The following PPP2R5E variants were observed in gnomAD, a reference collection of about 807,000 sequenced individuals.
PPP2R5E encodes serine/threonine-protein phosphatase 2A 56 kDa regulatory subunit epsilon isoform.
A neutral mutation model predicts 65.3 loss-of-function variants in PPP2R5E; 4 were observed. The ratio of observed to expected loss-of-function variants is 0.06; its 90% CI spans 0.03 to 0.14. PPP2R5E has a LOEUF of 0.14. Among genes scored for constraint, PPP2R5E ranks in the 10% least tolerant of loss-of-function variants. The pLI, the probability that PPP2R5E is intolerant of heterozygous loss-of-function variation, is 1.00. For missense variants in PPP2R5E, 274 were observed against 556.1 expected (o/e 0.49, Z 5.10); for synonymous variants, 183 against 187.4 (o/e 0.98, Z 0.19).
rs138411305 is a variant in PPP2R5E at position 63,448,275 on chromosome 14, C to T, written c.354+5414G>A. On this transcript the variant is annotated intron_variant, in intron 3 of 13. Coordinates refer to ENST00000337537, the MANE Select transcript of PPP2R5E (RefSeq NM_006246.5). ...CAGAGCCACTGCACTCCAGCCTGGG[C>T]GACAGAGCGGGACTCCATCTCAAAA... Among the ~76,000 whole-genome samples, 220 of 151,382 alleles carry T rather than the reference C, an allele frequency of 1.5e-3. 1 individual carries two copies. The East Asian group carries it at 0.026, about 18-fold the overall frequency.
chr14:63,538,664 G>A (rs1364385217), intron 2 of PPP2R5E, among the ~76,000 whole-genome samples: 2 of 151,654 alleles, frequency 1.3e-5, no homozygotes, highest in South Asian at 2.1e-4. Context: ...CAAATTTCAG[G>A]CCAGGCACGG....
At chr14:63,523,321 G>T (rs1893043064) in intron 2 of PPP2R5E, among the ~76,000 whole-genome samples, 1 of 151,994 alleles carries the variant, frequency 6.6e-6, no homozygotes, top group Non-Finnish European at 1.5e-5. Context: ...TGTTTGTGTA[G>T]TAGGAGGTAG....
intron 2 of PPP2R5E, among the ~76,000 whole-genome samples, chr14:63,514,294 G>A (rs76560051): frequency 0.013 from 2,050 of 152,166 alleles, 39 homozygotes; most frequent in African/African-American, 0.047. Context: ...AGTCACAACT[G>A]AAAAGATTGA....
rs1459617820 is a variant in PPP2R5E at position 63,378,453 on chromosome 14, A to G, written c.1305-2345T>C. Among the ~76,000 whole-genome samples, 3 of 152,206 alleles carry G rather than the reference A, an allele frequency of 2.0e-5. No homozygotes were observed. The East Asian group carries it at 5.8e-4, about 29-fold the overall frequency. ...ATAAATTGGTTAATTAAGTGTTGAC[A>G]TCATTAAAACATTCATCATCTTGTT... On this transcript the variant is annotated intron_variant, in intron 13 of 13. Transcript: ENST00000337537.
At chr14:63,480,803 A>T (rs935395400) in intron 2 of PPP2R5E, among the ~76,000 whole-genome samples, 1 of 152,124 alleles carries the variant, frequency 6.6e-6, no homozygotes, top group African/African-American at 2.4e-5. Flanking sequence ...TCTTGTCTGC[A>T]ATGACACTGC....
intron 3 of PPP2R5E, among the ~76,000 whole-genome samples, chr14:63,435,537 G>A (rs956874686): frequency 2.6e-5 from 4 of 152,114 alleles, no homozygotes; most frequent in African/African-American, 9.7e-5. Flanking sequence ...CATAGGGTCT[G>A]GAGAAAGAAA....
intron 6 of PPP2R5E, 25 bp from the exon 7 acceptor site, chr14:63,395,310 G>A: frequency 6.6e-7 from 1 of 1,511,962 alleles, no homozygotes; most frequent in Non-Finnish European, 9.2e-7. Context: ...GAAAAGGGAG[G>A]AGAAAGGAGG....
intron 12 of PPP2R5E, among the ~76,000 whole-genome samples, chr14:63,383,543 C>T (rs1214447153): frequency 6.6e-6 from 1 of 152,200 alleles, no homozygotes; most frequent in South Asian, 2.1e-4. Flanking sequence ...AGGGACTTAA[C>T]TGTTTATCAG....
intron 12 of PPP2R5E, among the ~76,000 whole-genome samples, chr14:63,383,867 T>C (rs1008217970): frequency 6.6e-6 from 1 of 152,142 alleles, no homozygotes; most frequent in African/African-American, 2.4e-5. Context: ...CACACTAAAA[T>C]GAAAACCTAG....
In PPP2R5E at chr14:63,393,885, G is replaced by C. The variant is rs919105059; in HGVS notation, c.784C>G (p.Gln262Glu). Residue 262 changes from glutamine (Q) to glutamate (E), a missense_variant, in exon 8 of 14, where the codon CAG becomes GAG. Coordinates refer to ENST00000337537, the MANE Select transcript of PPP2R5E (RefSeq NM_006246.5). ...GGGATCAATACTTTCACCAGAAACTGTTTGTGTTCTGCCTTAAGAGGTAAA... is the reference window on the plus strand; with the variant it reads ...GGGATCAATACTTTCACCAGAAACTCTTTGTGTTCTGCCTTAAGAGGTAAA... ...FALPLKAEHK[Q>E]FLVKVLIPLH... The C allele has an allele frequency of 6.2e-7, 1 of 1,611,962 alleles. No individual in the cohort carries two copies. Among genetic ancestry groups the C allele is most frequent in the Non-Finnish European group, 8.5e-7 (1 of 1,178,366 alleles).
intron 7 of PPP2R5E, among the ~76,000 whole-genome samples, chr14:63,394,362 G>C (rs561847456): frequency 6.6e-6 from 1 of 152,200 alleles, no homozygotes; most frequent in Non-Finnish European, 1.5e-5. Context: ...TGGGATAATA[G>C]GCGTGAGCCA....
In PPP2R5E at chr14:63,374,045, G is replaced by T. The variant is rs1594800635; in HGVS notation, c.*1964C>A. On this transcript the variant is annotated 3_prime_UTR_variant, in exon 14 of 14. Coordinates refer to ENST00000337537, the MANE Select transcript of PPP2R5E (RefSeq NM_006246.5). ...AAAACTATTAATTCCATTAAACCAT[G>T]TTGCGTCTGGTGTTGCATATGACTT... The T allele has an allele frequency of 3.0e-5, 4 of 134,444 alleles. No homozygotes were observed. Among genetic ancestry groups the T allele is most frequent in the Admixed American group, 7.5e-5 (1 of 13,418 alleles). 8.3% of individuals were successfully genotyped at this position (134,444 alleles called of 1,614,324 possible). A position where few individuals can be genotyped will look rare whatever the true frequency, so the allele number is the denominator to read the frequency against.
intron 5 of PPP2R5E, among the ~76,000 whole-genome samples, chr14:63,397,871 G>T (rs1011727571): frequency 3.3e-5 from 5 of 151,958 alleles, no homozygotes; most frequent in African/African-American, 1.2e-4. Flanking sequence ...GGGACTAAAG[G>T]CACCTACCAC....
intron 2 of PPP2R5E, among the ~76,000 whole-genome samples, chr14:63,476,577 T>C (rs754559250): frequency 6.6e-6 from 1 of 152,172 alleles, no homozygotes; most frequent in Non-Finnish European, 1.5e-5. Context: ...CATACCATAC[T>C]CTGACTTCTA....
chr14:63,507,620 C>T (rs2139688133), intron 2 of PPP2R5E, among the ~76,000 whole-genome samples: 1 of 142,358 alleles, frequency 7.0e-6, no homozygotes, highest in South Asian at 2.2e-4. Context: ...TGTTCTGTCG[C>T]CCAGGCTGGA....
intron 2 of PPP2R5E, among the ~76,000 whole-genome samples, chr14:63,504,278 A>C (rs1301106412): frequency 6.6e-6 from 1 of 152,130 alleles, no homozygotes; most frequent in Non-Finnish European, 1.5e-5. Context: ...AAAACAAAAA[A>C]AACCCACCCA....
intron 2 of PPP2R5E, among the ~76,000 whole-genome samples, chr14:63,501,708 T>C (rs1272607161): frequency 1.3e-5 from 2 of 152,164 alleles, no homozygotes; most frequent in East Asian, 1.9e-4. Flanking sequence ...GTGAACTGTA[T>C]AGTACGTGAA....
chr14:63,540,998 C>T (rs531324719), intron 1 of PPP2R5E, among the ~76,000 whole-genome samples: 23 of 152,098 alleles, frequency 1.5e-4, no homozygotes, highest in African/African-American at 5.3e-4. Flanking sequence ...TCCCAAGATA[C>T]TTAATATTAT....
At chr14:63,456,921 G>T (rs1889156192) in intron 2 of PPP2R5E, among the ~76,000 whole-genome samples, 1 of 152,150 alleles carries the variant, frequency 6.6e-6, no homozygotes, top group African/African-American at 2.4e-5. Context: ...GCTGCGATTT[G>T]TCCTTTATCA....
Sources: allele counts gnomAD v4.1 joint callset (sites outside exome capture counted in the v4.1 genomes callset), GRCh38; gene constraint gnomAD v4.1.1; transcripts MANE v1.5; gene names NCBI Gene and HGNC (gene_info 2026-07-23, HGNC 2026-07-21).